The following DPP10 variants were observed in gnomAD, a reference collection of about 807,000 sequenced individuals.
DPP10 encodes inactive dipeptidyl peptidase 10.
A neutral mutation model predicts 120.9 loss-of-function variants in DPP10; 33 were observed. That is an observed-to-expected ratio of 0.27 (90% CI 0.21 to 0.37). The LOEUF (loss-of-function observed/expected upper bound fraction) is 0.37. DPP10 is among the 10% of genes least tolerant of loss of function. The pLI is 1.00. For synonymous variants in DPP10, 337 were observed against 326.1 expected (o/e 1.03, Z -0.36); for missense variants, 816 against 942.8 (o/e 0.87, Z 1.76).
At chr2:115,204,203 GC>G (rs2055952200) in intron 1 of DPP10, among the ~76,000 whole-genome samples, 1 of 152,044 alleles carries the variant, frequency 6.6e-6, no homozygotes, top group African/African-American at 2.4e-5. Context: ...CAAAAACTGG[GC>G]CCTCTTAAAA....
intron 1 of DPP10, among the ~76,000 whole-genome samples, chr2:114,604,061 AG>A (rs1407286705): frequency 1.3e-5 from 2 of 152,112 alleles, no homozygotes; most frequent in African/African-American, 4.8e-5. Context: ...TTCTTCAGCA[AG>A]GAGTTGTGAC....
At chr2:114,941,858 C>T (rs67529020) in intron 1 of DPP10, among the ~76,000 whole-genome samples, 44,570 of 151,800 alleles carry the variant, frequency 0.29, 6,579 homozygotes, top group Middle Eastern at 0.43. Context: ...AACATGAGGA[C>T]GTGGTAAAAT....
chr2:115,268,108 G>A (rs1332168062), intron 1 of DPP10, among the ~76,000 whole-genome samples: 2 of 152,158 alleles, frequency 1.3e-5, no homozygotes, highest in Non-Finnish European at 2.9e-5. Context: ...CTTTGATGCT[G>A]GGGAGGATGC....
intron 5 of DPP10, among the ~76,000 whole-genome samples, chr2:115,677,693 A>G (rs771105594): frequency 1.3e-5 from 2 of 152,248 alleles, no homozygotes; most frequent in Non-Finnish European, 2.9e-5. Context: ...GTGTAATAAT[A>G]ACAAGATCAA....
At chr2:114,646,328 A>G (rs1021468744) in intron 1 of DPP10, among the ~76,000 whole-genome samples, 1 of 152,120 alleles carries the variant, frequency 6.6e-6, no homozygotes, top group Non-Finnish European at 1.5e-5. Context: ...CCACCATGAG[A>G]CAAAATGAAT....
At chr2:114,792,817 C>A (rs986154709) in intron 1 of DPP10, among the ~76,000 whole-genome samples, 1 of 152,062 alleles carries the variant, frequency 6.6e-6, no homozygotes, top group African/African-American at 2.4e-5. Flanking sequence ...CATATGCGAT[C>A]CCACTGGGAG....
intron 1 of DPP10, among the ~76,000 whole-genome samples, chr2:114,738,897 G>A (rs77300751): frequency 6.6e-6 from 1 of 152,062 alleles, no homozygotes; most frequent in Non-Finnish European, 1.5e-5. Flanking sequence ...AGATATGTGG[G>A]GAGAGCTTAG....
intron 1 of DPP10, among the ~76,000 whole-genome samples, chr2:114,629,586 A>G (rs1447498870): frequency 6.6e-6 from 1 of 152,210 alleles, no homozygotes; most frequent in Non-Finnish European, 1.5e-5. Context: ...ACAGCATAGC[A>G]CTGTGCATTA....
intron 3 of DPP10, among the ~76,000 whole-genome samples, chr2:115,356,873 G>A (rs1221430812): frequency 6.6e-6 from 1 of 152,078 alleles, no homozygotes; most frequent in African/African-American, 2.4e-5. Context: ...TTTCCTTTGG[G>A]TATATACCAA....
chr2:114,463,958 T>G (rs1679140727), intron 1 of DPP10, among the ~76,000 whole-genome samples: 1 of 152,220 alleles, frequency 6.6e-6, no homozygotes, highest in African/African-American at 2.4e-5. Context: ...TCATCCACAT[T>G]GTAGCATGGA....
At chr2:115,111,376 G>T (rs147421505) in intron 1 of DPP10, among the ~76,000 whole-genome samples, 2 of 152,022 alleles carry the variant, frequency 1.3e-5, no homozygotes, top group Non-Finnish European at 2.9e-5. Context: ...GGATCAACTT[G>T]GTGGGGGATA....
At chr2:115,459,504 C>T (rs554151207) in intron 3 of DPP10, among the ~76,000 whole-genome samples, 33 of 152,124 alleles carry the variant, frequency 2.2e-4, no homozygotes, top group Admixed American at 5.2e-4. Context: ...GAAAGAGTTT[C>T]TATTGTTTTG....
chr2:114,810,667 A>T (rs1206983817), intron 1 of DPP10, among the ~76,000 whole-genome samples: 1 of 152,148 alleles, frequency 6.6e-6, no homozygotes, highest in African/African-American at 2.4e-5. Context: ...GTGCAGATCA[A>T]TGTTAGTTTT....
At chr2:115,187,577 C>T (rs572306423) in intron 1 of DPP10, among the ~76,000 whole-genome samples, 1 of 152,190 alleles carries the variant, frequency 6.6e-6, no homozygotes, top group Non-Finnish European at 1.5e-5. Context: ...AGTGATGGTC[C>T]AGGACACCTA....
chr2:115,274,257 A>T (rs2059818876), intron 1 of DPP10, among the ~76,000 whole-genome samples: 1 of 152,192 alleles, frequency 6.6e-6, no homozygotes, highest in East Asian at 1.9e-4. Flanking sequence ...CCATTTTATC[A>T]TTAAAAGTGA....
intron 7 of DPP10, among the ~76,000 whole-genome samples, chr2:115,703,211 T>A (rs2091962711): frequency 1.3e-5 from 2 of 151,678 alleles, no homozygotes; most frequent in African/African-American, 4.8e-5. Flanking sequence ...TTAAATTTAT[T>A]TATTATTATT....
chr2:114,662,288 G>A (rs928375171), intron 1 of DPP10, among the ~76,000 whole-genome samples: 1 of 152,214 alleles, frequency 6.6e-6, no homozygotes. Context: ...AAAGAACTCA[G>A]AGCGAAAGTC....
At chr2:115,504,897 G>A (rs1040535757) in intron 4 of DPP10, among the ~76,000 whole-genome samples, 3 of 152,126 alleles carry the variant, frequency 2.0e-5, no homozygotes, top group Non-Finnish European at 2.9e-5. Context: ...AAGTGTGAGA[G>A]GAAATAGTCT....
At chr2:114,553,566 G>A (rs548580999) in intron 1 of DPP10, among the ~76,000 whole-genome samples, 1 of 152,310 alleles carries the variant, frequency 6.6e-6, no homozygotes, top group Non-Finnish European at 1.5e-5. Context: ...TGGTTTTTCA[G>A]TAGTTTTCTG....
Sources: allele counts gnomAD v4.1 joint callset (sites outside exome capture counted in the v4.1 genomes callset), GRCh38; gene constraint gnomAD v4.1.1; transcripts MANE v1.5; gene names NCBI Gene and HGNC (gene_info 2026-07-23, HGNC 2026-07-21).